The following SPTBN1 variants were observed in gnomAD, a reference collection of about 807,000 sequenced individuals.
SPTBN1 encodes the protein spectrin beta, non-erythrocytic 1, also known as spectrin beta chain, non-erythrocytic 1.
Under a neutral mutation model 266.4 loss-of-function variants are expected in SPTBN1, and 32 were observed. That is an observed-to-expected ratio of 0.12 (90% CI 0.09 to 0.16). The LOEUF (loss-of-function observed/expected upper bound fraction) is 0.16. SPTBN1 is among the 10% of genes least tolerant of loss of function. The probability of loss-of-function intolerance (pLI) is 1.00; values close to 1 mark genes in which losing one functional copy is unlikely to be tolerated. For missense variants in SPTBN1, 2,296 were observed against 3,067.1 expected (o/e 0.75, Z 5.94); for synonymous variants, 1,336 against 1,162.2 (o/e 1.15, Z -3.04).
intron 1 of SPTBN1, among the ~76,000 whole-genome samples, chr2:54,501,214 G>A (rs766907048): frequency 1.8e-4 from 28 of 152,178 alleles, no homozygotes; most frequent in Non-Finnish European, 3.4e-4. Flanking sequence ...CCCTTTACCC[G>A]AGTAGAAATT....
At chr2:54,520,039 G>T (rs1057130668) in intron 1 of SPTBN1, among the ~76,000 whole-genome samples, 1 of 152,194 alleles carries the variant, frequency 6.6e-6, no homozygotes, top group Non-Finnish European at 1.5e-5. Context: ...CCTGCACCTT[G>T]CAGGGAGCAG....
chr2:54,595,444 C>T (rs73934497), intron 2 of SPTBN1, among the ~76,000 whole-genome samples: 1 of 152,314 alleles, frequency 6.6e-6, no homozygotes, highest in Admixed American at 6.5e-5. Flanking sequence ...GCGTCAGCTT[C>T]TTGGGGAGGA....
At chr2:54,665,232 C>T (rs1337301588) in intron 33 of SPTBN1, among the ~76,000 whole-genome samples, 1 of 152,168 alleles carries the variant, frequency 6.6e-6, no homozygotes, top group African/African-American at 2.4e-5. Flanking sequence ...TAAACCCAAC[C>T]ACCTGGGACC....
At chr2:54,605,134 G>A (rs1010108055) in intron 3 of SPTBN1, among the ~76,000 whole-genome samples, 4 of 152,114 alleles carry the variant, frequency 2.6e-5, no homozygotes, top group African/African-American at 9.7e-5. Context: ...GCTGAGAGGC[G>A]CCCCCTCCCT....
intron 1 of SPTBN1, among the ~76,000 whole-genome samples, chr2:54,479,244 A>G (rs1667988842): frequency 1.3e-5 from 2 of 152,350 alleles, no homozygotes; most frequent in South Asian, 2.1e-4. Context: ...AATAAAGTAT[A>G]GTTATAGAAA....
chr2:54,503,052 A>C (rs1669355991), intron 1 of SPTBN1, among the ~76,000 whole-genome samples: 1 of 152,218 alleles, frequency 6.6e-6, no homozygotes, highest in Admixed American at 6.5e-5. Context: ...TGGATTTTAC[A>C]ACTGGGTACA....
intron 1 of SPTBN1, among the ~76,000 whole-genome samples, chr2:54,501,376 G>A (rs1456794678): frequency 6.6e-6 from 1 of 152,032 alleles, no homozygotes; most frequent in African/African-American, 2.4e-5. Context: ...CAGACCAGTT[G>A]CTATATATTA....
chr2:54,635,476 G>A (rs1438306710), intron 17 of SPTBN1, among the ~76,000 whole-genome samples: 1 of 152,242 alleles, frequency 6.6e-6, no homozygotes, highest in Non-Finnish European at 1.5e-5. Context: ...CCATCTTGAT[G>A]GTCCCACTAT....
At chr2:54,557,833 C>A in intron 2 of SPTBN1, 1 of 985,434 alleles carries the variant, frequency 1.0e-6, no homozygotes, top group South Asian at 4.7e-5. Flanking sequence ...GAACTTACAC[C>A]TCCCCTGGCT....
chr2:54,604,758 G>C (rs1676724884), intron 3 of SPTBN1, among the ~76,000 whole-genome samples: 1 of 152,202 alleles, frequency 6.6e-6, no homozygotes, highest in Non-Finnish European at 1.5e-5. Context: ...GGGACCTTGG[G>C]AGGGGGAAAC....
Position 54,646,049 on chromosome 2 carries a change from G to C in SPTBN1, c.4584+32G>C, listed in dbSNP as rs1186615808. On this transcript the variant is annotated intron_variant, in intron 22 of 35. Coordinates refer to ENST00000356805, the MANE Select transcript of SPTBN1 (RefSeq NM_003128.3). This position sits in a 1 kb window ranked among gnomAD's most constrained non-coding sequence, Gnocchi z 4.4. ...CTTTCTGCTCGAGCTAGTTCTGTCT[G>C]ATAAATAATTGCTCTAAATTATGAG... 2 of 1,613,720 alleles carry C rather than the reference G, an allele frequency of 1.2e-6. No homozygotes were observed. Among genetic ancestry groups the C allele is most frequent in the Admixed American group, 1.7e-5 (1 of 59,948 alleles).
intron 2 of SPTBN1, among the ~76,000 whole-genome samples, chr2:54,528,960 C>A (rs1671018758): frequency 6.6e-6 from 1 of 152,196 alleles, no homozygotes; most frequent in Admixed American, 6.5e-5. Context: ...ATTATCTTAT[C>A]CTACTTATTA....
At chr2:54,470,872 A>C (rs1693884891) in intron 1 of SPTBN1, among the ~76,000 whole-genome samples, 1 of 152,210 alleles carries the variant, frequency 6.6e-6, no homozygotes, top group Admixed American at 6.5e-5. Context: ...TATCCTTTAG[A>C]ACAATCTTGT....
Position 54,561,086 on chromosome 2 carries a change from C to T in SPTBN1, c.148+34520C>T, listed in dbSNP as rs182871511. 5.6e-4 allele frequency among the ~76,000 whole-genome samples: 86 copies of T among 152,282 alleles called. 1 individual carries two copies. The East Asian group carries it at 0.015, about 27-fold the overall frequency. ...CTTTTTTTACTCTTCTGAGTATAAT[C>T]TTTCCTAGCACATAATCTCTGAATA... On this transcript the variant is annotated intron_variant, in intron 2 of 35. Transcript: ENST00000356805.
At chr2:54,505,742 T>C (rs1223815248) in intron 1 of SPTBN1, among the ~76,000 whole-genome samples, 1 of 152,222 alleles carries the variant, frequency 6.6e-6, no homozygotes, top group Non-Finnish European at 1.5e-5. Context: ...CCTTTAGTTG[T>C]ATCTTCTGCT....
intron 18 of SPTBN1, among the ~76,000 whole-genome samples, chr2:54,639,526 A>G (rs575201248): frequency 5.3e-5 from 8 of 152,368 alleles, no homozygotes; most frequent in African/African-American, 1.9e-4. Context: ...GTGAGCAATG[A>G]GTGGCCAGGG....
At chr2:54,536,275 A>G (rs1213725063) in intron 2 of SPTBN1, among the ~76,000 whole-genome samples, 1 of 152,260 alleles carries the variant, frequency 6.6e-6, no homozygotes, top group Non-Finnish European at 1.5e-5. Flanking sequence ...GTGTATTTTA[A>G]AAATAAAACA....
intron 2 of SPTBN1, among the ~76,000 whole-genome samples, chr2:54,591,439 G>A (rs758357973): frequency 6.6e-6 from 1 of 152,160 alleles, no homozygotes; most frequent in African/African-American, 2.4e-5. Context: ...CTTACTTAGG[G>A]GGTAGGCCAT....
Position 54,670,721 on chromosome 2 carries a change from A to T in SPTBN1, c.*2152A>T, listed in dbSNP as rs973887668. On this transcript the variant is annotated 3_prime_UTR_variant, in exon 36 of 36. Transcript: ENST00000356805. ...CATAATAAATACGTACATGTGGAAC[A>T]TCGTGCACATAATTTCAACAGTTCG... The T allele has an allele frequency of 2.5e-6, 1 of 398,544 alleles. No individual in the cohort carries two copies. The highest frequency in any genetic ancestry group is 4.4e-6 in the Non-Finnish European group (1 of 226,080). The allele number at this position is 398,544 out of a possible 1,614,324, so 24.7% of individuals were successfully genotyped here. A position where few individuals can be genotyped will look rare whatever the true frequency, so the allele number is the denominator to read the frequency against.
Sources: gnomAD v4.1 joint callset for allele counts (sites outside exome capture counted in the v4.1 genomes callset) on GRCh38, gnomAD v4.1.1 for gene constraint, Gnocchi (gnomAD v3.1) non-coding constraint, MANE v1.5 for transcripts, NCBI Gene and HGNC (gene_info 2026-07-23, HGNC 2026-07-21) for gene names.